FUT9: variants seen among roughly 807,000 people sequenced by gnomAD.
The protein encoded by FUT9 is fucosyltransferase 9.
In FUT9, 15 loss-of-function variants were observed where a neutral mutation model predicts 29.7. The observed-to-expected ratio is 0.51, with a 90% CI of 0.34 to 0.78. The LOEUF (loss-of-function observed/expected upper bound fraction) is 0.78. Among genes scored for constraint, FUT9 ranks in the 30% least tolerant of loss-of-function variants. FUT9 has a pLI of 0.01. For missense variants in FUT9, 319 were observed against 425.4 expected (o/e 0.75, Z 2.20); for synonymous variants, 169 against 153.7 (o/e 1.10, Z -0.74).
intron 1 of FUT9, among the ~76,000 whole-genome samples, chr6:96,031,169 C>G (rs1770254283): frequency 6.6e-6 from 1 of 151,580 alleles, no homozygotes; most frequent in African/African-American, 2.4e-5. Context: ...TAGGCACTTT[C>G]TAACAGTGCC....
chr6:96,035,201 G>C (rs1256262281), intron 1 of FUT9, among the ~76,000 whole-genome samples: 1 of 151,452 alleles, frequency 6.6e-6, no homozygotes, highest in Non-Finnish European at 1.5e-5. Flanking sequence ...GGGAGGGAGG[G>C]AAAGAGGAAA....
chr6:96,146,757 T>A (rs1772575008), intron 2 of FUT9, among the ~76,000 whole-genome samples: 1 of 152,188 alleles, frequency 6.6e-6, no homozygotes, highest in Non-Finnish European at 1.5e-5. Flanking sequence ...TATTGTAAAA[T>A]GGTAAAATGC....
At chr6:96,143,541 T>C (rs892036591) in intron 2 of FUT9, among the ~76,000 whole-genome samples, 1 of 151,906 alleles carries the variant, frequency 6.6e-6, no homozygotes, top group Non-Finnish European at 1.5e-5. Context: ...CTCTCTCCTT[T>C]CCTCCCATCC....
intron 1 of FUT9, among the ~76,000 whole-genome samples, chr6:96,078,408 CTTTTTTTTTTTTTT>C (rs71012536): frequency 4.8e-4 from 21 of 44,202 alleles, no homozygotes; most frequent in South Asian, 9.2e-4. Flanking sequence ...TATTAGTCTT[CTTTTTTTTTTTTTT>C]TTTTTTTTTT....
intron 1 of FUT9, among the ~76,000 whole-genome samples, chr6:96,041,739 G>C (rs1311064409): frequency 2.0e-5 from 3 of 152,076 alleles, no homozygotes; most frequent in Non-Finnish European, 4.4e-5. Context: ...TTCTATTTAG[G>C]ACATTAAACA....
chr6:96,140,038 A>T (rs1349695593), intron 2 of FUT9, among the ~76,000 whole-genome samples: 2 of 152,314 alleles, frequency 1.3e-5, no homozygotes, highest in South Asian at 4.1e-4. Context: ...TCAAACTTTT[A>T]TACTCTACTT....
chr6:96,031,427 T>C (rs1284375288), intron 1 of FUT9, among the ~76,000 whole-genome samples: 2 of 151,460 alleles, frequency 1.3e-5, no homozygotes, highest in Non-Finnish European at 3.0e-5. Context: ...GGTTGCATGG[T>C]TTGCTGGTGC....
At chr6:96,039,308 CAA>C (rs760024020) in intron 1 of FUT9, among the ~76,000 whole-genome samples, 2 of 152,010 alleles carry the variant, frequency 1.3e-5, no homozygotes, top group Non-Finnish European at 2.9e-5. Flanking sequence ...AGGCATGAGA[CAA>C]GAGAGGAACT....
chr6:96,152,475 G>T (rs1477105319), intron 2 of FUT9, among the ~76,000 whole-genome samples: 1 of 152,120 alleles, frequency 6.6e-6, no homozygotes, highest in Non-Finnish European at 1.5e-5. Flanking sequence ...GGTCTGTTTT[G>T]TTCATAATTA....
chr6:96,071,164 A>G (rs956862579), intron 1 of FUT9, among the ~76,000 whole-genome samples: 2 of 152,192 alleles, frequency 1.3e-5, no homozygotes, highest in African/African-American at 2.4e-5. Context: ...GTAGTAGAGG[A>G]CTTTTTAGAA....
At chr6:96,177,659 A>G (rs1188546938) in intron 2 of FUT9, among the ~76,000 whole-genome samples, 2 of 152,174 alleles carry the variant, frequency 1.3e-5, no homozygotes, top group African/African-American at 2.4e-5. Flanking sequence ...TTTGCATGGA[A>G]TCACTGGGAT....
At chr6:96,032,707 G>A (rs759043140) in intron 1 of FUT9, among the ~76,000 whole-genome samples, 5 of 151,438 alleles carry the variant, frequency 3.3e-5, no homozygotes, top group African/African-American at 4.8e-5. Context: ...TTCCTTTTCA[G>A]AACTCCCTGT....
chr6:96,038,324 G>T (rs553375072), intron 1 of FUT9, among the ~76,000 whole-genome samples: 3 of 152,086 alleles, frequency 2.0e-5, no homozygotes, highest in Non-Finnish European at 4.4e-5. Flanking sequence ...TCTGAAACAT[G>T]AGTAATATTA....
chr6:96,190,744 G>T (rs1773491015), intron 2 of FUT9, among the ~76,000 whole-genome samples: 1 of 152,092 alleles, frequency 6.6e-6, no homozygotes, highest in Non-Finnish European at 1.5e-5. Flanking sequence ...TTGTGCCATG[G>T]TTTTCCGCTC....
intron 2 of FUT9, among the ~76,000 whole-genome samples, chr6:96,123,205 A>G (rs1007337153): frequency 1.3e-5 from 2 of 152,176 alleles, no homozygotes; most frequent in African/African-American, 2.4e-5. Context: ...TATTGACCAA[A>G]GGATATGACT....
At chr6:96,141,443 C>G (rs1482204775) in intron 2 of FUT9, among the ~76,000 whole-genome samples, 2 of 152,228 alleles carry the variant, frequency 1.3e-5, no homozygotes, top group South Asian at 4.2e-4. Flanking sequence ...AAAAAAGACT[C>G]TGAATCAGGT....
At chr6:96,173,466 T>A (rs1211408231) in intron 2 of FUT9, among the ~76,000 whole-genome samples, 6 of 152,268 alleles carry the variant, frequency 3.9e-5, no homozygotes, top group African/African-American at 1.4e-4. Context: ...TTGGATAAGT[T>A]GGAGAATGTA....
chr6:96,024,736 C>T (rs1770134286), intron 1 of FUT9, among the ~76,000 whole-genome samples: 1 of 151,750 alleles, frequency 6.6e-6, no homozygotes, highest in African/African-American at 2.4e-5. Context: ...TGTTGATAAC[C>T]TCAAGAATTT....
At chr6:96,136,483 C>A (rs1463596720) in intron 2 of FUT9, among the ~76,000 whole-genome samples, 2 of 151,910 alleles carry the variant, frequency 1.3e-5, no homozygotes, top group Non-Finnish European at 2.9e-5. Context: ...ATATAAACAG[C>A]ATCATCCTTC....
Sources: allele counts gnomAD v4.1 joint callset (sites outside exome capture counted in the v4.1 genomes callset), GRCh38; gene constraint gnomAD v4.1.1; transcripts MANE v1.5; gene names NCBI Gene and HGNC (gene_info 2026-07-23, HGNC 2026-07-21).